Variants in KLF12 observed in about 807,000 individuals in gnomAD.
KLF12 encodes Krueppel-like factor 12.
Under a neutral mutation model 37.8 loss-of-function variants are expected in KLF12, and 9 were observed. The ratio of observed to expected loss-of-function variants is 0.24; its 90% CI spans 0.14 to 0.42. KLF12 has a LOEUF of 0.42. Ranked by LOEUF, KLF12 falls within the 10% of genes least tolerant of loss-of-function variation. The probability of loss-of-function intolerance (pLI) is 1.00; values close to 1 mark genes in which losing one functional copy is unlikely to be tolerated. For missense variants in KLF12, 411 were observed against 516.0 expected, an observed-to-expected ratio of 0.80 and a Z score of 1.97; for synonymous variants, 208 against 202.1, an observed-to-expected ratio of 1.03 and a Z score of -0.25.
At chr13:74,195,632 T>C in the KLF12 span, among the ~76,000 whole-genome samples, 1 of 152,202 alleles carries the variant, frequency 6.6e-6, no homozygotes, top group East Asian at 1.9e-4. Flanking sequence ...GGGTTCTCAC[T>C]CTGTTGCCCA....
chr13:74,143,303 A>G, the KLF12 span, among the ~76,000 whole-genome samples: 1 of 152,220 alleles, frequency 6.6e-6, no homozygotes, highest in Non-Finnish European at 1.5e-5. Context: ...TATCCAGTTC[A>G]CAAATTAGTT....
At chr13:74,187,276 A>G in the KLF12 span, among the ~76,000 whole-genome samples, 3 of 151,938 alleles carry the variant, frequency 2.0e-5, no homozygotes, top group African/African-American at 7.3e-5. Flanking sequence ...GTGAGCAGTG[A>G]TCATGCCACT....
intron 2 of KLF12, among the ~76,000 whole-genome samples, chr13:73,971,413 C>T (rs1298386552): frequency 6.6e-6 from 1 of 152,092 alleles, no homozygotes; most frequent in Non-Finnish European, 1.5e-5. Flanking sequence ...CTGTAAGAGA[C>T]AGAACAAATG....
chr13:74,015,576 T>C (rs1190190820), intron 1 of KLF12, among the ~76,000 whole-genome samples: 2 of 152,160 alleles, frequency 1.3e-5, no homozygotes, highest in African/African-American at 4.8e-5. Context: ...TCTTAAAATA[T>C]TCATTAATTT....
intron 1 of KLF12, among the ~76,000 whole-genome samples, chr13:74,110,740 C>G (rs1431587423): frequency 6.6e-6 from 1 of 152,018 alleles, no homozygotes; most frequent in African/African-American, 2.4e-5. Flanking sequence ...ACCCTGTTCT[C>G]AAATGAGGGC....
intron 6 of KLF12, among the ~76,000 whole-genome samples, chr13:73,722,402 C>A (rs1876335023): frequency 2.0e-5 from 3 of 152,194 alleles, no homozygotes; most frequent in Admixed American, 6.5e-5. Context: ...ATTTATCTTC[C>A]ATACTACAAC....
intron 1 of KLF12, among the ~76,000 whole-genome samples, chr13:74,013,015 C>T (rs989042475): frequency 6.6e-6 from 1 of 152,294 alleles, no homozygotes; most frequent in African/African-American, 2.4e-5. Context: ...AAAGAATACC[C>T]GCCTGGTAAA....
chr13:74,069,953 C>G (rs773330701), intron 1 of KLF12, among the ~76,000 whole-genome samples: 8 of 151,990 alleles, frequency 5.3e-5, no homozygotes, highest in Non-Finnish European at 1.2e-4. Flanking sequence ...GCTATATATC[C>G]AAGAAAGAGA....
At chr13:74,238,861 G>A in the KLF12 span, among the ~76,000 whole-genome samples, 4 of 151,808 alleles carry the variant, frequency 2.6e-5, no homozygotes, top group South Asian at 2.1e-4. Context: ...CTAGCGGTCT[G>A]TCAATTTTGT....
chr13:73,878,131 G>C (rs1886805301), intron 3 of KLF12, among the ~76,000 whole-genome samples: 2 of 152,084 alleles, frequency 1.3e-5, no homozygotes, highest in Non-Finnish European at 2.9e-5. Context: ...TGTCTCTCAT[G>C]AATCTTAGAC....
the KLF12 span, among the ~76,000 whole-genome samples, chr13:74,295,659 A>G: frequency 3.9e-5 from 6 of 152,348 alleles, no homozygotes; most frequent in East Asian, 1.2e-3. Flanking sequence ...TTTGTTTAAT[A>G]AAATAATAGA....
the KLF12 span, among the ~76,000 whole-genome samples, chr13:74,278,554 C>T: frequency 1.3e-5 from 2 of 152,178 alleles, no homozygotes; most frequent in Non-Finnish European, 2.9e-5. Flanking sequence ...GTCCTCCAAA[C>T]AGCCAAGGAC....
chr13:74,272,203 T>C, the KLF12 span, among the ~76,000 whole-genome samples: 1 of 152,192 alleles, frequency 6.6e-6, no homozygotes, highest in Non-Finnish European at 1.5e-5. Flanking sequence ...GGACTTATAC[T>C]TCTACCAATT....
At chr13:74,065,179 A>C (rs1462471656) in intron 1 of KLF12, among the ~76,000 whole-genome samples, 3 of 148,474 alleles carry the variant, frequency 2.0e-5, no homozygotes, top group African/African-American at 7.4e-5. Flanking sequence ...GCATATATGT[A>C]TATTACTCTG....
intron 3 of KLF12, among the ~76,000 whole-genome samples, chr13:73,896,091 G>A (rs924188309): frequency 3.9e-5 from 6 of 152,108 alleles, no homozygotes; most frequent in Non-Finnish European, 7.4e-5. Context: ...AAAGTTCTGG[G>A]ATAGAAATCA....
chr13:73,943,045 T>C (rs1004310395), intron 3 of KLF12, among the ~76,000 whole-genome samples: 1 of 152,212 alleles, frequency 6.6e-6, no homozygotes, highest in Non-Finnish European at 1.5e-5. Context: ...GATGTACTCA[T>C]CCACATTGAT....
intron 4 of KLF12, among the ~76,000 whole-genome samples, chr13:73,834,837 G>C (rs1884346453): frequency 6.6e-6 from 1 of 152,118 alleles, no homozygotes. Flanking sequence ...TTCTCTCTCT[G>C]ACATTCTAGG....
the KLF12 span, among the ~76,000 whole-genome samples, chr13:74,198,279 A>G: frequency 6.6e-6 from 1 of 152,252 alleles, no homozygotes; most frequent in East Asian, 1.9e-4. Context: ...AAGCAAGCAT[A>G]GGTGGGTGTG....
chr13:73,950,747 G>C (rs1034956002), intron 2 of KLF12, among the ~76,000 whole-genome samples: 1 of 152,174 alleles, frequency 6.6e-6, no homozygotes, highest in South Asian at 2.1e-4. Context: ...GGAGAGATCT[G>C]ACATGTGGAG....
Sources: allele counts gnomAD v4.1 joint callset (sites outside exome capture counted in the v4.1 genomes callset), GRCh38; gene constraint gnomAD v4.1.1; transcripts MANE v1.5; gene names NCBI Gene and HGNC (gene_info 2026-07-23, HGNC 2026-07-21).